The following TP73 variants were observed in gnomAD, a reference collection of about 807,000 sequenced individuals.
TP73 encodes the protein p53-like transcription factor.
TP73 carries 25 observed loss-of-function variants against 62.5 expected under a neutral mutation model. The observed-to-expected ratio is 0.40, with a 90% confidence interval of 0.29 to 0.56. The LOEUF (loss-of-function observed/expected upper bound fraction) is 0.56. Among genes scored for constraint, TP73 ranks in the 20% least tolerant of loss-of-function variants. The probability of loss-of-function intolerance (pLI) is 0.46; values close to 1 mark genes in which losing one functional copy is unlikely to be tolerated. For missense variants in TP73, 754 were observed against 913.3 expected (o/e 0.83, Z 2.25); for synonymous variants, 423 against 377.5 (o/e 1.12, Z -1.40).
chr1:3,680,823 G>T (rs1645501818), intron 1 of TP73, among the ~76,000 whole-genome samples: 1 of 152,272 alleles, frequency 6.6e-6, no homozygotes, highest in Non-Finnish European at 1.5e-5. Flanking sequence ...GCCCAGCCCA[G>T]GATCGGAGGC....
chr1:3,681,026 G>A (rs1645506222), intron 1 of TP73, among the ~76,000 whole-genome samples: 1 of 152,244 alleles, frequency 6.6e-6, no homozygotes, highest in Non-Finnish European at 1.5e-5. Context: ...ACGCCCACCT[G>A]GGAGAGGTGG....
intron 6 of TP73, among the ~76,000 whole-genome samples, chr1:3,724,560 G>C (rs1280289958): frequency 6.6e-6 from 1 of 152,218 alleles, no homozygotes; most frequent in Non-Finnish European, 1.5e-5. Flanking sequence ...CACCTGCCTA[G>C]GCCTGCCAGG....
rs1645018872 is a variant in TP73, at chr1:3,662,511, A to G, written c.-34+9870A>G. On this transcript the variant is annotated intron_variant, in intron 1 of 13. Coordinates refer to ENST00000378295, the MANE Select transcript of TP73 (RefSeq NM_005427.4). The surrounding 1 kb of genome is among the most constrained non-coding windows in gnomAD (Gnocchi z 4.4). Reference sequence around the variant, plus strand: ...TTCGTCACGCGGACATGCGTCTCTCAGGCGATCAGAGTTACCTGGAGCCGC... The same window carrying G: ...TTCGTCACGCGGACATGCGTCTCTCGGGCGATCAGAGTTACCTGGAGCCGC... Among the ~76,000 whole-genome samples, 1 of 152,206 alleles carries G rather than the reference A, an allele frequency of 6.6e-6. No homozygotes were observed.
Position 3,666,042 on chromosome 1 carries a change from T to C in TP73, c.-34+13401T>C, listed in dbSNP as rs904250313. 1.4e-5 allele frequency among the ~76,000 whole-genome samples: 2 copies of C among 147,676 alleles called. No individual in the cohort carries two copies. The highest frequency in any genetic ancestry group is 3.5e-3 in the Middle Eastern group (1 of 284). On this transcript the variant is annotated intron_variant, in intron 1 of 13. Coordinates refer to ENST00000378295, the MANE Select transcript of TP73 (RefSeq NM_005427.4). This position sits in a 1 kb window ranked among gnomAD's most constrained non-coding sequence, Gnocchi z 6.4. ...GAGGCTGAGGCAGGAGAATCGCTTT[T>C]GAAGCCAGGAGGCGGAGTTTGTGGT...
chr1:3,654,150 G>C (rs776642123), intron 1 of TP73, among the ~76,000 whole-genome samples: 1 of 152,154 alleles, frequency 6.6e-6, no homozygotes, highest in Non-Finnish European at 1.5e-5. Flanking sequence ...CTCCAGCCTG[G>C]GCAACAGAGC....
At chr1:3,731,187 A>AT in intron 12 of TP73, 122 bp downstream of exon 12, 2 of 1,395,424 alleles carry the variant, frequency 1.4e-6, no homozygotes, top group Non-Finnish European at 1.9e-6. Flanking sequence ...CCTGGATCAG[A>AT]CAGGCGGGCG....
Position 3,735,074 on chromosome 1 carries a change from C to T in TP73, c.*1995C>T, listed in dbSNP as rs1642383197. Reference sequence around the variant, plus strand: ...CCCAGCTGCATGTCACCTCAGCTCTCCATCTTATTGCCATTTTGTAGATGA... The same window carrying T: ...CCCAGCTGCATGTCACCTCAGCTCTTCATCTTATTGCCATTTTGTAGATGA... On this transcript the variant is annotated 3_prime_UTR_variant, in exon 14 of 14. Coordinates refer to ENST00000378295, the MANE Select transcript of TP73 (RefSeq NM_005427.4). 1 of 152,316 alleles carries T rather than the reference C, an allele frequency of 6.6e-6. No homozygotes were observed. Among genetic ancestry groups the T allele is most frequent in the Non-Finnish European group, 1.5e-5 (1 of 68,128 alleles). The allele number at this position is 152,316 out of a possible 1,614,324, so 9.4% of individuals were successfully genotyped here. A position where few individuals can be genotyped will look rare whatever the true frequency, so the allele number is the denominator to read the frequency against.
chr1:3,683,082 G>T lies in TP73; in HGVS notation c.88G>T (p.Asp30Tyr). The stretch of plus-strand genomic sequence containing the variant: ...CAGGGAACCAGACAGCACCTACTTC[G>T]ACCTTCCCCAGTCAAGCCGGGGGAA... ...SSLEPDSTYF[D>Y]LPQSSRGNNE... Residue 30 changes from aspartate to tyrosine, a missense_variant, in exon 3 of 14, where the codon GAC becomes TAC. Asp to Tyr is a radical substitution (Grantham distance 160). This residue lies in a region of TP73 where 235 missense variants were observed against 251.4 expected (regional missense o/e 0.93). Coordinates refer to ENST00000378295, the MANE Select transcript of TP73 (RefSeq NM_005427.4). 1 of 1,610,608 alleles carries T rather than the reference G, an allele frequency of 6.2e-7. No individual in the cohort carries two copies.
intron 3 of TP73, among the ~76,000 whole-genome samples, chr1:3,704,002 G>C (rs894364606): frequency 1.6e-4 from 25 of 152,206 alleles, no homozygotes; most frequent in African/African-American, 6.0e-4. Context: ...CCCGGTACCC[G>C]GTGATGGGAG....
chr1:3,730,185 CG>C, intron 11 of TP73, 37 bp downstream of exon 11: 2 of 1,479,572 alleles, frequency 1.4e-6, no homozygotes, highest in Non-Finnish European at 9.0e-7. Context: ...ACGGGCAGGG[CG>C]GGGAGGCCCA....
Position 3,733,329 on chromosome 1 carries a change from G to A in TP73, c.*250G>A. 1 of 568,170 alleles carries A rather than the reference G, an allele frequency of 1.8e-6. No homozygotes were observed. 35.2% of individuals were successfully genotyped at this position (568,170 alleles called of 1,614,324 possible). On this transcript the variant is annotated 3_prime_UTR_variant, in exon 14 of 14. Coordinates refer to ENST00000378295, the MANE Select transcript of TP73 (RefSeq NM_005427.4). ...CCCTAGTGCTGGGCTTGTGGGGCGG[G>A]GGCTGGCCCACTCTCAGCCCTGCCA... is the stretch of plus-strand genomic sequence containing the variant.
At chr1:3,725,439 G>GTGGA (rs571472774) in intron 6 of TP73, among the ~76,000 whole-genome samples, 2 of 144,532 alleles carry the variant, frequency 1.4e-5, no homozygotes, top group Middle Eastern at 3.3e-3. Flanking sequence ...AGGTAGGTGG[G>GTGGA]TGGATGGATG....
chr1:3,697,899 C>T (rs1439649672), intron 3 of TP73: 2 of 170,170 alleles, frequency 1.2e-5, no homozygotes, highest in Non-Finnish European at 2.4e-5. Context: ...CCTTCTCCAC[C>T]TTTGGGCTCC....
rs974093914 is a variant in TP73, at chr1:3,707,968, T to A, written c.429+177T>A. On this transcript the variant is annotated intron_variant, in intron 4 of 13. Coordinates refer to ENST00000378295, the MANE Select transcript of TP73 (RefSeq NM_005427.4). ...AGGCGGGTCTCAGGGCCGGGCAGTC[T>A]GGGTGTGCCCACCCCTCTAGACGTG... 10 of 1,038,228 alleles carry A rather than the reference T, an allele frequency of 9.6e-6. No individual in the cohort carries two copies. In the African/African-American group the frequency reaches 1.6e-4, roughly 17 times the overall value. The allele number at this position is 1,038,228 out of a possible 1,614,324, so 64.3% of individuals were successfully genotyped here. A position where few individuals can be genotyped will look rare whatever the true frequency, so the allele number is the denominator to read the frequency against.
In TP73 at chr1:3,733,322, G is replaced by A. The variant is rs1162832810; in HGVS notation, c.*243G>A. 3.1e-5 allele frequency: 18 copies of A among 578,218 alleles called. No individual in the cohort carries two copies. The highest frequency in any genetic ancestry group is 4.9e-5 in the Non-Finnish European group (16 of 329,086). The allele number at this position is 578,218 out of a possible 1,614,324, so 35.8% of individuals were successfully genotyped here. A position where few individuals can be genotyped will look rare whatever the true frequency, so the allele number is the denominator to read the frequency against. The stretch of plus-strand genomic sequence containing the variant: ...GGAGCTGCCCTAGTGCTGGGCTTGT[G>A]GGGCGGGGGCTGGCCCACTCTCAGC... On this transcript the variant is annotated 3_prime_UTR_variant, in exon 14 of 14. Transcript: ENST00000378295.
At chr1:3,683,511 A>G (rs542280643) in intron 3 of TP73, among the ~76,000 whole-genome samples, 3 of 152,148 alleles carry the variant, frequency 2.0e-5, no homozygotes, top group East Asian at 3.9e-4. Context: ...AGGTGTAGGA[A>G]GGGCTTCTAC....
intron 4 of TP73, among the ~76,000 whole-genome samples, chr1:3,712,630 C>T (rs560262150): frequency 1.3e-5 from 2 of 152,338 alleles, no homozygotes; most frequent in African/African-American, 2.4e-5. Context: ...ATCCAATTTA[C>T]GTTTTAGGAA....
chr1:3,687,652 C>T (rs1645696273), intron 3 of TP73, among the ~76,000 whole-genome samples: 1 of 152,102 alleles, frequency 6.6e-6, no homozygotes, highest in Non-Finnish European at 1.5e-5. Flanking sequence ...GAGAGAGAGG[C>T]AAGTGTCTCC....
At chr1:3,664,684 T>C (rs1290276311) in intron 1 of TP73, among the ~76,000 whole-genome samples, 1 of 152,120 alleles carries the variant, frequency 6.6e-6, no homozygotes, top group South Asian at 2.1e-4. Flanking sequence ...GGGAGCAGCC[T>C]TGCTTCAGTG....
Sources: allele counts gnomAD v4.1 joint callset (sites outside exome capture counted in the v4.1 genomes callset), GRCh38; gene constraint gnomAD v4.1.1; regional missense constraint gnomAD v4.1.1; non-coding constraint Gnocchi (gnomAD v3.1); transcripts MANE v1.5; gene names NCBI Gene and HGNC (gene_info 2026-07-23, HGNC 2026-07-21).